GUCY2F: variants seen among roughly 807,000 people sequenced by gnomAD.
The protein encoded by GUCY2F is guanylate cyclase 2F, retinal.
In GUCY2F, 61 loss-of-function variants were observed where a neutral mutation model predicts 73.1. That is an observed-to-expected ratio of 0.83 (90% CI 0.68 to 1.03). The LOEUF (loss-of-function observed/expected upper bound fraction) is 1.03, where lower values mean the gene tolerates loss of function less well. GUCY2F is among the 50% of genes least tolerant of loss of function. The pLI, the probability that GUCY2F is intolerant of heterozygous loss-of-function variation, is 0.00. For synonymous variants in GUCY2F, 331 were observed against 307.8 expected, an observed-to-expected ratio of 1.08 and a Z score of -0.79; for missense variants, 912 against 854.3, an observed-to-expected ratio of 1.07 and a Z score of -0.84.
At chrX:109,383,971 AG>A (rs1930377624) in intron 16 of GUCY2F, among the ~76,000 whole-genome samples, 1 of 112,569 alleles carries the variant, frequency 8.9e-6, no homozygotes, top group Non-Finnish European at 1.9e-5. Flanking sequence ...TCATATGCAA[AG>A]TTATATTAAT....
At chrX:109,417,350 C>T (rs1931268735) in intron 8 of GUCY2F, among the ~76,000 whole-genome samples, 1 of 110,655 alleles carries the variant, frequency 9.0e-6, no homozygotes, top group Non-Finnish European at 1.9e-5. Flanking sequence ...GAATAGTAGG[C>T]TAGTAAATGG....
intron 17 of GUCY2F, among the ~76,000 whole-genome samples, chrX:109,376,683 G>A (rs1282387223): frequency 1.8e-5 from 2 of 111,783 alleles, no homozygotes; most frequent in Non-Finnish European, 3.8e-5. Context: ...CTTACAGGTA[G>A]GGTAAGACTC....
chrX:109,381,992 G>A, intron 17 of GUCY2F, 126 bp downstream of exon 17: 1 of 418,572 alleles, frequency 2.4e-6, no homozygotes, highest in Non-Finnish European at 4.3e-6. Flanking sequence ...AAATGGGGCT[G>A]AAGATTCTGC....
chrX:109,375,327 T>C (rs1182662889), intron 19 of GUCY2F, among the ~76,000 whole-genome samples: 1 of 111,381 alleles, frequency 9.0e-6, no homozygotes, highest in Non-Finnish European at 1.9e-5. Flanking sequence ...ACCATCCTAG[T>C]AGGGGAGGAA....
chrX:109,433,418 C>T (rs752115317), intron 7 of GUCY2F, among the ~76,000 whole-genome samples: 108 of 112,163 alleles, frequency 9.6e-4, no homozygotes, highest in African/African-American at 3.4e-3. Flanking sequence ...AGTAAAAGAG[C>T]CGCAAATTGA....
rs116229868 is a variant in GUCY2F, at chrX:109,402,381, T to G, written c.2125+1947A>C. Among the ~76,000 whole-genome samples the G allele has an allele frequency of 7.0e-3, 764 of 109,295 alleles. 12 individuals are homozygous for G. The highest frequency in any genetic ancestry group is 0.023 in the African/African-American group (696 of 29,798). 94.9% of individuals were successfully genotyped at this position (109,295 alleles called of 115,157 possible). A position where few individuals can be genotyped will look rare whatever the true frequency, so the allele number is the denominator to read the frequency against. On this transcript the variant is annotated intron_variant, in intron 10 of 19. Transcript: ENST00000218006. ...TCTGAGAAGCTAGGCGTTTTGTTTTTTTTTTTTTTGAGACAGAGTCTCGTT... is the reference window on the plus strand; with the variant it reads ...TCTGAGAAGCTAGGCGTTTTGTTTTGTTTTTTTTTGAGACAGAGTCTCGTT...
At position 109,395,434 on chromosome X, in the gene GUCY2F, A is replaced by G. The variant is rs1202277080; in HGVS notation, c.2331T>C (p.Pro777=). ...PPPVYRPVVP[P]EHAPPECLQL... is the part of the protein sequence containing the mutation. ...GGAGACATTCTGGAGGGGCATGCTC[A>G]GGAGGAACTACTGGTCTGTACACAG... is the stretch of plus-strand genomic sequence containing the variant. The change falls in exon 12 of 20, where the codon CCT becomes CCC. Residue 777 remains proline, a synonymous_variant. Transcript: ENST00000218006. The G allele has an allele frequency of 2.5e-6, 3 of 1,194,779 alleles. No homozygotes were observed. The highest frequency in any genetic ancestry group is 5.9e-5 in the East Asian group (2 of 33,700).
intron 9 of GUCY2F, among the ~76,000 whole-genome samples, chrX:109,406,823 G>A (rs1186002668): frequency 3.6e-5 from 4 of 111,495 alleles, no homozygotes; most frequent in African/African-American, 9.8e-5. Flanking sequence ...TTCTCTTCCC[G>A]CTACCATGTA....
intron 7 of GUCY2F, among the ~76,000 whole-genome samples, chrX:109,436,396 A>C (rs1388139331): frequency 1.8e-5 from 2 of 110,978 alleles, no homozygotes; most frequent in Non-Finnish European, 3.8e-5. Context: ...AGGGATCTAG[A>C]ACTAGAAATA....
intron 6 of GUCY2F, among the ~76,000 whole-genome samples, chrX:109,443,918 C>G (rs1931934759): frequency 8.9e-6 from 1 of 112,162 alleles, no homozygotes; most frequent in Non-Finnish European, 1.9e-5. Flanking sequence ...ATAAAACATC[C>G]TGTCACAAAA....
At chrX:109,459,528 G>A (rs1454559287) in intron 3 of GUCY2F, among the ~76,000 whole-genome samples, 1 of 111,314 alleles carries the variant, frequency 9.0e-6, no homozygotes, top group African/African-American at 3.3e-5. Context: ...CCAGAGCTGG[G>A]GCACTAGACG....
intron 8 of GUCY2F, among the ~76,000 whole-genome samples, chrX:109,429,398 GA>G (rs1222113695): frequency 1.0e-5 from 1 of 99,028 alleles, no homozygotes. Flanking sequence ...TGGGCAACAA[GA>G]GCGAAATTCC....
intron 15 of GUCY2F, among the ~76,000 whole-genome samples, chrX:109,387,536 G>A (rs897905444): frequency 2.7e-5 from 3 of 112,226 alleles, no homozygotes; most frequent in Non-Finnish European, 5.6e-5. Context: ...CAGCGTACAA[G>A]TGGTAGTTAA....
Position 109,415,186 on chromosome X carries a change from TG to T in GUCY2F, c.1792-6019del, listed in dbSNP as rs749353303. Among the ~76,000 whole-genome samples the T allele has an allele frequency of 4.7e-3, 531 of 111,930 alleles. 3 individuals carry two copies. Among genetic ancestry groups the T allele is most frequent in the Non-Finnish European group, 7.5e-3 (401 of 53,147 alleles). ...AAGAGCCCTTCTAAGATAACCAGGC[TG>T]TTGTCAGCCATTTTCTTCCCTGAGG... On this transcript the variant is annotated intron_variant, in intron 8 of 19. Transcript: ENST00000218006.
chrX:109,376,276 C>A, intron 17 of GUCY2F, 109 bp from the exon 18 acceptor site: 1 of 530,480 alleles, frequency 1.9e-6, no homozygotes, highest in Non-Finnish European at 3.3e-6. Flanking sequence ...CTGGAGTCTT[C>A]CTCCCTACGG....
At chrX:109,448,040 G>A (rs367622008) in intron 6 of GUCY2F, 29 bp downstream of exon 6, 5 of 700,616 alleles carry the variant, frequency 7.1e-6, no homozygotes, top group Non-Finnish European at 1.2e-5. Context: ...ATGTTGGACA[G>A]GGCAGCAAAA....
At chrX:109,399,528 G>A (rs763834244) in intron 10 of GUCY2F, among the ~76,000 whole-genome samples, 1 of 112,239 alleles carries the variant, frequency 8.9e-6, no homozygotes, top group African/African-American at 3.2e-5. Flanking sequence ...TTTCTTGGGT[G>A]GGGGGCACTG....
At chrX:109,464,646 A>G (rs1932427622) in intron 3 of GUCY2F, among the ~76,000 whole-genome samples, 1 of 112,734 alleles carries the variant, frequency 8.9e-6, no homozygotes, top group African/African-American at 3.2e-5. Flanking sequence ...TGGTCCAGCA[A>G]TGCCATTGGC....
intron 10 of GUCY2F, 116 bp downstream of exon 10, chrX:109,404,212 G>T: frequency 1.7e-6 from 1 of 584,735 alleles, no homozygotes; most frequent in Non-Finnish European, 2.7e-6. Context: ...AATGAGGCTG[G>T]ATTTTCAACA....
Sources: allele counts gnomAD v4.1 joint callset (sites outside exome capture counted in the v4.1 genomes callset), GRCh38; gene constraint gnomAD v4.1.1; transcripts MANE v1.5; gene names NCBI Gene and HGNC (gene_info 2026-07-23, HGNC 2026-07-21).